The following DAB1 variants were observed in gnomAD, a reference collection of about 807,000 sequenced individuals.
DAB1 encodes disabled homolog 1.
Under a neutral mutation model 64.6 loss-of-function variants are expected in DAB1, and 15 were observed. That is an observed-to-expected ratio of 0.23 (90% CI 0.16 to 0.36). DAB1 has a LOEUF of 0.36. Ranked by LOEUF, DAB1 falls within the 10% of genes least tolerant of loss-of-function variation. The pLI is 1.00. For missense variants in DAB1, 596 were observed against 706.7 expected (o/e 0.84, Z 1.78); for synonymous variants, 235 against 251.9 (o/e 0.93, Z 0.64).
intron 7 of DAB1, among the ~76,000 whole-genome samples, chr1:57,508,577 T>C (rs1644373134): frequency 6.6e-6 from 1 of 152,214 alleles, no homozygotes; most frequent in South Asian, 2.1e-4. Context: ...CAGACTCTGT[T>C]GCAACCACTA....
chr1:57,886,857 C>T (rs1424928536), upstream of DAB1, among the ~76,000 whole-genome samples: 1 of 152,288 alleles, frequency 6.6e-6, no homozygotes, highest in East Asian at 1.9e-4. Flanking sequence ...AAAAGGAGTG[C>T]TGATAATACC....
At chr1:57,105,074 G>T (rs954551760) in intron 4 of DAB1, among the ~76,000 whole-genome samples, 1 of 152,138 alleles carries the variant, frequency 6.6e-6, no homozygotes, top group Non-Finnish European at 1.5e-5. Flanking sequence ...AAAAACAGGG[G>T]TGAGGGTAGG....
At chr1:58,061,912 T>C (rs1166405076) in intron 5 of DAB1, among the ~76,000 whole-genome samples, 2 of 152,222 alleles carry the variant, frequency 1.3e-5, no homozygotes, top group African/African-American at 4.8e-5. Context: ...ATGTAGTTAA[T>C]CTGCTATCCG....
Position 57,525,273 on chromosome 1 carries a change from C to A in DAB1, n.625+124319G>T, listed in dbSNP as rs1158345139. Among the ~76,000 whole-genome samples, 8 of 151,902 alleles carry A rather than the reference C, an allele frequency of 5.3e-5. No individual in the cohort carries two copies. In the East Asian group the frequency reaches 5.8e-4, roughly 11 times the overall value. ...GCACCAAGCCTGGTAATCAATGAGT[C>A]CATACAGGAGCAGAATATGGGACTG... On this transcript the variant is annotated intron_variant and non_coding_transcript_variant, in intron 7 of 20. Coordinates refer to the DAB1 transcript ENST00000485760.
intron 4 of DAB1, among the ~76,000 whole-genome samples, chr1:58,305,522 A>G (rs927984257): frequency 1.3e-5 from 2 of 152,188 alleles, no homozygotes; most frequent in Non-Finnish European, 2.9e-5. Context: ...TATTATTGTT[A>G]GTCATTATTC....
At chr1:57,087,559 T>C (rs1203497816) in intron 4 of DAB1, among the ~76,000 whole-genome samples, 1 of 152,060 alleles carries the variant, frequency 6.6e-6, no homozygotes, top group Non-Finnish European at 1.5e-5. Context: ...GTAGGGCCCT[T>C]CCATATGACT....
chr1:57,196,996 C>T (rs1664674610), intron 2 of DAB1, among the ~76,000 whole-genome samples: 1 of 152,148 alleles, frequency 6.6e-6, no homozygotes, highest in Non-Finnish European at 1.5e-5. Context: ...AGGCAGATTG[C>T]CATCAAAATT....
intron 4 of DAB1, among the ~76,000 whole-genome samples, chr1:57,125,822 T>G (rs1483231518): frequency 6.6e-6 from 1 of 152,124 alleles, no homozygotes; most frequent in African/African-American, 2.4e-5. Context: ...GAGATGCCAT[T>G]TTCTGTCTCA....
chr1:58,487,815 C>T (rs1645602569), intron 3 of DAB1, among the ~76,000 whole-genome samples: 1 of 152,072 alleles, frequency 6.6e-6, no homozygotes, highest in African/African-American at 2.4e-5. Flanking sequence ...ACTTTAATTA[C>T]TTCTGATTTT....
intron 2 of DAB1, among the ~76,000 whole-genome samples, chr1:57,156,798 C>T (rs1265193394): frequency 3.3e-5 from 5 of 152,196 alleles, no homozygotes; most frequent in African/African-American, 1.2e-4. Context: ...GGGGGAATGG[C>T]TCTCCTCTGA....
intron 2 of DAB1, among the ~76,000 whole-genome samples, chr1:57,151,767 T>C (rs911834039): frequency 2.0e-5 from 3 of 151,956 alleles, no homozygotes; most frequent in African/African-American, 7.2e-5. Flanking sequence ...ACTTCAACTC[T>C]GGTTTCTTAA....
At chr1:57,224,035 T>C (rs1473543428) in intron 2 of DAB1, among the ~76,000 whole-genome samples, 3 of 152,210 alleles carry the variant, frequency 2.0e-5, no homozygotes, top group South Asian at 2.1e-4. Flanking sequence ...CAAAACACCC[T>C]GCCTTGCACT....
chr1:58,446,867 C>G (rs1248076909), intron 3 of DAB1, among the ~76,000 whole-genome samples: 11 of 152,210 alleles, frequency 7.2e-5, no homozygotes, highest in Non-Finnish European at 8.8e-5. Context: ...TAATGTGTCA[C>G]AAAAATAAAT....
At chr1:57,768,353 C>T (rs185154488) in intron 6 of DAB1, among the ~76,000 whole-genome samples, 8 of 151,698 alleles carry the variant, frequency 5.3e-5, no homozygotes, top group Admixed American at 2.6e-4. Flanking sequence ...TTGTAAAGAT[C>T]AAAGGAGACA....
intron 3 of DAB1, among the ~76,000 whole-genome samples, chr1:58,504,614 TTGTTCCTTGC>T (rs1381947511): frequency 6.6e-6 from 1 of 152,216 alleles, no homozygotes; most frequent in Non-Finnish European, 1.5e-5. Flanking sequence ...ACAGACTGTT[TTGTTCCTTGC>T]TCATTCCCCA....
At chr1:58,430,283 T>C (rs1043644317) in intron 3 of DAB1, among the ~76,000 whole-genome samples, 1 of 152,232 alleles carries the variant, frequency 6.6e-6, no homozygotes, top group Non-Finnish European at 1.5e-5. Flanking sequence ...GGCACTGGTA[T>C]AGTTACTCAA....
intron 2 of DAB1, among the ~76,000 whole-genome samples, chr1:57,273,954 A>G (rs543789111): frequency 2.0e-5 from 3 of 152,176 alleles, no homozygotes; most frequent in South Asian, 4.2e-4. Context: ...ACCTCACCCT[A>G]TTAATTTTCC....
intron 1 of DAB1, among the ~76,000 whole-genome samples, chr1:57,393,433 C>T (rs1051972179): frequency 2.6e-5 from 4 of 152,036 alleles, no homozygotes; most frequent in African/African-American, 9.7e-5. Context: ...TGACTCATGC[C>T]TGTAATCGTA....
intron 2 of DAB1, among the ~76,000 whole-genome samples, chr1:57,199,987 A>T (rs1393596063): frequency 6.6e-6 from 1 of 152,168 alleles, no homozygotes; most frequent in East Asian, 1.9e-4. Context: ...CAGTCTCTCA[A>T]AGGTCATCAC....
Sources: gnomAD v4.1 joint callset for allele counts (sites outside exome capture counted in the v4.1 genomes callset) on GRCh38, gnomAD v4.1.1 for gene constraint, MANE v1.5 for transcripts, NCBI Gene and HGNC (gene_info 2026-07-23, HGNC 2026-07-21) for gene names.